Variants in PSMF1 observed in about 807,000 individuals in gnomAD.
PSMF1 encodes the protein proteasome inhibitor subunit 1.
A neutral mutation model predicts 29.3 loss-of-function variants in PSMF1; 30 were observed. The observed-to-expected ratio is 1.02, with a 90% CI of 0.77 to 1.39. The LOEUF (loss-of-function observed/expected upper bound fraction) is 1.39, where lower values mean the gene tolerates loss of function less well. Among genes scored for constraint, PSMF1 ranks in the 40% most tolerant of loss-of-function variants. The pLI is 0.00. For missense variants in PSMF1, 344 were observed against 357.5 expected (o/e 0.96, Z 0.31); for synonymous variants, 134 against 139.7 (o/e 0.96, Z 0.29).
chr20:1,145,486 C>G (rs1163817991), intron 4 of PSMF1, among the ~76,000 whole-genome samples: 2 of 152,148 alleles, frequency 1.3e-5, no homozygotes, highest in Non-Finnish European at 2.9e-5. Flanking sequence ...AGATGTTAGC[C>G]AGACAGAGAG....
intron 4 of PSMF1, among the ~76,000 whole-genome samples, chr20:1,142,314 C>T (rs2086392444): frequency 6.6e-6 from 1 of 152,104 alleles, no homozygotes; most frequent in Non-Finnish European, 1.5e-5. Context: ...TACACGTGCA[C>T]AACGTGCAGG....
chr20:1,140,126 G>A (rs1006661493), intron 4 of PSMF1, among the ~76,000 whole-genome samples: 4 of 152,174 alleles, frequency 2.6e-5, no homozygotes, highest in Admixed American at 2.6e-4. Context: ...AGGTAGAAAT[G>A]CAAGGGAACC....
chr20:1,155,383 T>C (rs2086581890), intron 4 of PSMF1, among the ~76,000 whole-genome samples: 1 of 152,254 alleles, frequency 6.6e-6, no homozygotes, highest in Non-Finnish European at 1.5e-5. Context: ...CAAGAGGACC[T>C]GTGGTCTCAA....
At chr20:1,156,680 A>C (rs2086598649) in intron 4 of PSMF1, among the ~76,000 whole-genome samples, 1 of 152,220 alleles carries the variant, frequency 6.6e-6, no homozygotes, top group African/African-American at 2.4e-5. Context: ...TCATTTCTAA[A>C]GGATATTAAG....
At position 1,135,183 on chromosome 20, in the gene PSMF1, A is replaced by G. The variant is rs564883779; in HGVS notation, c.428A>G (p.His143Arg). Reference sequence around the variant, plus strand: ...GTGTCTGGAATCATCACACCTATCCATGAGCAGTGGGAAAAGGCTAATGTA... The same window carrying G: ...GTGTCTGGAATCATCACACCTATCCGTGAGCAGTGGGAAAAGGCTAATGTA... Reference protein sequence around the residue: ...RIVSGIITPIHEQWEKANVSS... With the variant: ...RIVSGIITPIREQWEKANVSS... Residue 143 changes from histidine (H) to arginine (R), a missense_variant, in exon 4 of 7, where the codon CAT (histidine) becomes CGT (arginine). Transcript: ENST00000335877. 7 of 1,614,070 alleles carry G rather than the reference A, an allele frequency of 4.3e-6. No individual in the cohort carries two copies. The highest frequency in any genetic ancestry group is 2.7e-5 in the African/African-American group (2 of 74,994).
rs975127914 is a variant in PSMF1 at position 1,167,219 on chromosome 20, C to T, written c.*2139C>T. The T allele has an allele frequency of 2.6e-5, 4 of 152,128 alleles. No homozygotes were observed. Among genetic ancestry groups the T allele is most frequent in the Non-Finnish European group, 5.9e-5 (4 of 68,038 alleles). The allele number at this position is 152,128 out of a possible 1,614,324, so 9.4% of individuals were successfully genotyped here. On this transcript the variant is annotated 3_prime_UTR_variant, in exon 7 of 7. Coordinates refer to ENST00000335877, the MANE Select transcript of PSMF1 (RefSeq NM_006814.5). The stretch of plus-strand genomic sequence containing the variant: ...TTGATCTGGGCCACTTCCCTCCTTC[C>T]AGTCATGAGTAATCATCAAGGAGCA...
chr20:1,125,138 G>A (rs968983867), intron 1 of PSMF1, among the ~76,000 whole-genome samples: 2 of 152,168 alleles, frequency 1.3e-5, no homozygotes, highest in African/African-American at 2.4e-5. Flanking sequence ...TTAGCCTAAC[G>A]TCCAAACTTT....
chr20:1,139,573 G>A (rs777508414), intron 4 of PSMF1, among the ~76,000 whole-genome samples: 5 of 151,950 alleles, frequency 3.3e-5, no homozygotes, highest in Non-Finnish European at 5.9e-5. Flanking sequence ...GTGAAACCCC[G>A]TCTCTACTAA....
chr20:1,133,569 A>ATATATATATATATATATATTTTTTT, intron 3 of PSMF1, among the ~76,000 whole-genome samples: 34 of 53,272 alleles, frequency 6.4e-4, no homozygotes, highest in Non-Finnish European at 1.3e-3. Context: ...ATATATATAT[A>ATATATATATATATATATATTTTTTT]TTTTTTTTTT....
rs190160293 is a variant in PSMF1, at chr20:1,148,827, A to T, written c.551+13521A>T. Among the ~76,000 whole-genome samples, 6 of 152,264 alleles carry T rather than the reference A, an allele frequency of 3.9e-5. No homozygotes were observed. The East Asian group carries it at 1.2e-3, about 29-fold the overall frequency. ...GACCTCAAACTTTATGTTCTCAGGA[A>T]CCCTCTAGCACTCTCAAAAATTATT... On this transcript the variant is annotated intron_variant, in intron 4 of 6. Coordinates refer to ENST00000335877, the MANE Select transcript of PSMF1 (RefSeq NM_006814.5).
intron 4 of PSMF1, among the ~76,000 whole-genome samples, chr20:1,159,521 T>C (rs1189724034): frequency 6.6e-6 from 1 of 152,186 alleles, no homozygotes; most frequent in Non-Finnish European, 1.5e-5. Flanking sequence ...CCACATTTCG[T>C]GGGCCAGAGA....
chr20:1,163,312 GC>G lies in PSMF1; in HGVS notation c.605+130del. The G allele has an allele frequency of 9.3e-7, 1 of 1,070,512 alleles. No homozygotes were observed. 66.3% of individuals were successfully genotyped at this position (1,070,512 alleles called of 1,614,324 possible). A position where few individuals can be genotyped will look rare whatever the true frequency, so the allele number is the denominator to read the frequency against. ...GGGTGGAGGAGGCAGTTGTTGCTGA[GC>G]AGCTGAGAAAGCACTGCCACATACG... On this transcript the variant is annotated intron_variant, in intron 5 of 6. Transcript: ENST00000335877. The surrounding 1 kb of genome is among the most constrained non-coding windows in gnomAD (Gnocchi z 6.1).
At chr20:1,160,191 C>A (rs1308475030) in intron 4 of PSMF1, among the ~76,000 whole-genome samples, 1 of 152,034 alleles carries the variant, frequency 6.6e-6, no homozygotes, top group South Asian at 2.1e-4. Flanking sequence ...TACATACCAC[C>A]ACCACTACCC....
intron 4 of PSMF1, among the ~76,000 whole-genome samples, chr20:1,155,259 C>G (rs1568480426): frequency 6.6e-6 from 1 of 152,216 alleles, no homozygotes; most frequent in African/African-American, 2.4e-5. Flanking sequence ...TACAAATGCT[C>G]AGAGAGAGTG....
At chr20:1,157,594 G>A (rs2086610167) in intron 4 of PSMF1, among the ~76,000 whole-genome samples, 1 of 148,670 alleles carries the variant, frequency 6.7e-6, no homozygotes, top group Non-Finnish European at 1.5e-5. Flanking sequence ...TTAATTAAGT[G>A]TATGCATGCA....
At chr20:1,141,175 TGGGAAAGCA>T (rs2086375453) in intron 4 of PSMF1, among the ~76,000 whole-genome samples, 2 of 152,144 alleles carry the variant, frequency 1.3e-5, no homozygotes, top group Non-Finnish European at 2.9e-5. Context: ...AGGTGGAAGA[TGGGAAAGCA>T]GGAATGAGGA....
At chr20:1,113,910 C>T (rs1222007900), upstream of PSMF1, among the ~76,000 whole-genome samples, 1 of 151,916 alleles carries the variant, frequency 6.6e-6, no homozygotes, top group Non-Finnish European at 1.5e-5. Context: ...CCAGGATGGT[C>T]TCGATGTCCT....
At chr20:1,124,152 A>G (rs963903821) in intron 1 of PSMF1, among the ~76,000 whole-genome samples, 1 of 152,222 alleles carries the variant, frequency 6.6e-6, no homozygotes, top group Non-Finnish European at 1.5e-5. Context: ...AGAAGCTTTC[A>G]ATTATGAACA....
chr20:1,140,361 C>CT (rs1439765375), intron 4 of PSMF1, among the ~76,000 whole-genome samples: 1 of 152,148 alleles, frequency 6.6e-6, no homozygotes, highest in African/African-American at 2.4e-5. Flanking sequence ...AAACCATAGT[C>CT]TTTTCAAATG....
Sources: gnomAD v4.1 joint callset for allele counts (sites outside exome capture counted in the v4.1 genomes callset) on GRCh38, gnomAD v4.1.1 for gene constraint, Gnocchi (gnomAD v3.1) non-coding constraint, MANE v1.5 for transcripts, NCBI Gene and HGNC (gene_info 2026-07-23, HGNC 2026-07-21) for gene names.